The following RARB variants were observed in gnomAD, a reference collection of about 807,000 sequenced individuals.
RARB encodes the protein retinoic acid receptor beta.
In RARB, 17 loss-of-function variants were observed where a neutral mutation model predicts 51.9. The ratio of observed to expected loss-of-function variants is 0.33; its 90% CI spans 0.22 to 0.49. RARB has a LOEUF of 0.49. Among genes scored for constraint, RARB ranks in the 20% least tolerant of loss-of-function variants. The pLI is 0.99. For synonymous variants in RARB, 215 were observed against 195.4 expected, an observed-to-expected ratio of 1.10 and a Z score of -0.84; for missense variants, 369 against 550.8, an observed-to-expected ratio of 0.67 and a Z score of 3.30.
chr3:25,011,746 G>T (rs900669363), intron 2 of RARB, among the ~76,000 whole-genome samples: 2 of 152,084 alleles, frequency 1.3e-5, no homozygotes, highest in African/African-American at 4.8e-5. Context: ...AAAGAAGTTG[G>T]TGTGTCCTTA....
chr3:25,002,610 A>G (rs1697186101), intron 2 of RARB, among the ~76,000 whole-genome samples: 1 of 152,156 alleles, frequency 6.6e-6, no homozygotes, highest in African/African-American at 2.4e-5. Flanking sequence ...AGAACCAGAA[A>G]GTCACTTAAT....
chr3:25,180,221 T>C (rs1053879462), intron 5 of RARB, among the ~76,000 whole-genome samples: 3 of 152,106 alleles, frequency 2.0e-5, no homozygotes, highest in African/African-American at 7.2e-5. Context: ...TGAAAGAATA[T>C]ATATAAAGAA....
At chr3:25,128,988 A>G (rs1177158103) in intron 3 of RARB, among the ~76,000 whole-genome samples, 1 of 152,156 alleles carries the variant, frequency 6.6e-6, no homozygotes, top group Non-Finnish European at 1.5e-5. Flanking sequence ...ACTGAAATTA[A>G]AAAACATAGA....
At chr3:25,577,317 A>G (rs1656466) in intron 4 of RARB, among the ~76,000 whole-genome samples, 1 of 152,168 alleles carries the variant, frequency 6.6e-6, no homozygotes, top group African/African-American at 2.4e-5. Context: ...AAAAGTAAAG[A>G]GAGTCGGTGA....
chr3:25,570,275 CAAGT>C (rs1463397188), intron 4 of RARB, among the ~76,000 whole-genome samples: 1 of 152,246 alleles, frequency 6.6e-6, no homozygotes, highest in African/African-American at 2.4e-5. Context: ...GTGAAGGAAA[CAAGT>C]AAAGCCAGTG....
intron 2 of RARB, among the ~76,000 whole-genome samples, chr3:24,944,066 G>A (rs9833261): frequency 0.5 from 76,039 of 152,066 alleles, 19,628 homozygotes; most frequent in East Asian, 0.7. Context: ...TGACCAAGGG[G>A]GGTTTGGGAC....
At chr3:25,471,009 G>C (rs1695659665) in intron 2 of RARB, among the ~76,000 whole-genome samples, 1 of 152,088 alleles carries the variant, frequency 6.6e-6, no homozygotes, top group African/African-American at 2.4e-5. Context: ...AATTAGTGTA[G>C]TTATAAATAA....
intron 2 of RARB, among the ~76,000 whole-genome samples, chr3:25,462,858 C>T (rs966290307): frequency 3.9e-5 from 6 of 152,142 alleles, no homozygotes; most frequent in African/African-American, 9.7e-5. Flanking sequence ...GGCAGGGTTC[C>T]AGAAGACAGA....
At chr3:24,989,006 A>G (rs1287061720) in intron 2 of RARB, among the ~76,000 whole-genome samples, 1 of 151,534 alleles carries the variant, frequency 6.6e-6, no homozygotes, top group African/African-American at 2.4e-5. Flanking sequence ...TTGTATTTTT[A>G]TTAGAGACAG....
chr3:25,183,459 A>C (rs920588783), intron 5 of RARB, among the ~76,000 whole-genome samples: 2 of 151,982 alleles, frequency 1.3e-5, no homozygotes, highest in African/African-American at 4.8e-5. Flanking sequence ...TTTAATATTC[A>C]TTTTATTCTT....
chr3:24,978,210 CT>C (rs201516449), intron 2 of RARB, among the ~76,000 whole-genome samples: 1 of 150,642 alleles, frequency 6.6e-6, no homozygotes, highest in African/African-American at 2.5e-5. Context: ...GCCTAAGATT[CT>C]TTTTTTTTGT....
chr3:25,113,756 A>AC (rs1219370667), intron 3 of RARB, among the ~76,000 whole-genome samples: 1 of 152,146 alleles, frequency 6.6e-6, no homozygotes, highest in East Asian at 1.9e-4. Flanking sequence ...GATGGTAGGT[A>AC]GAAAGCAGTT....
At chr3:25,208,043 A>C (rs1316717902) in intron 5 of RARB, among the ~76,000 whole-genome samples, 1 of 151,202 alleles carries the variant, frequency 6.6e-6, no homozygotes, top group Admixed American at 6.6e-5. Context: ...AATTGGGGGA[A>C]TGCTACGCAC....
intron 4 of RARB, among the ~76,000 whole-genome samples, chr3:25,170,497 A>C (rs1452199948): frequency 6.6e-6 from 1 of 152,148 alleles, no homozygotes; most frequent in Non-Finnish European, 1.5e-5. Flanking sequence ...GGTGATGCTG[A>C]TGTTGCCAGC....
intron 2 of RARB, among the ~76,000 whole-genome samples, chr3:24,995,461 C>A (rs1697001368): frequency 6.6e-6 from 1 of 152,020 alleles, no homozygotes; most frequent in South Asian, 2.1e-4. Flanking sequence ...CCCTTCATTT[C>A]TTTGTCTTGC....
At chr3:25,303,138 C>G (rs1390773483) in intron 5 of RARB, among the ~76,000 whole-genome samples, 1 of 152,116 alleles carries the variant, frequency 6.6e-6, no homozygotes, top group African/African-American at 2.4e-5. Flanking sequence ...CAGACAACCT[C>G]TTGACATGCT....
At chr3:25,538,973 C>G (rs754944465) in intron 3 of RARB, among the ~76,000 whole-genome samples, 14 of 152,202 alleles carry the variant, frequency 9.2e-5, no homozygotes, top group Non-Finnish European at 1.8e-4. Flanking sequence ...CAAGTTGAAG[C>G]AAGCTTAATT....
At chr3:25,236,709 G>A (rs1003444251) in intron 5 of RARB, among the ~76,000 whole-genome samples, 8 of 152,002 alleles carry the variant, frequency 5.3e-5, no homozygotes, top group Non-Finnish European at 1.2e-4. Flanking sequence ...ATGTATGTCT[G>A]CTGCTGTTTA....
intron 5 of RARB, among the ~76,000 whole-genome samples, chr3:25,288,777 T>C (rs1196975910): frequency 1.3e-5 from 2 of 151,868 alleles, no homozygotes; most frequent in African/African-American, 2.4e-5. Context: ...TCTTTTTTTT[T>C]CTTCTCCCCT....
Sources: gnomAD v4.1 joint callset for allele counts (sites outside exome capture counted in the v4.1 genomes callset) on GRCh38, gnomAD v4.1.1 for gene constraint, MANE v1.5 for transcripts, NCBI Gene and HGNC (gene_info 2026-07-23, HGNC 2026-07-21) for gene names.